Variants in PTDSS1 observed in about 807,000 individuals in gnomAD.
PTDSS1 encodes PSS-1.
Under a neutral mutation model 70.5 loss-of-function variants are expected in PTDSS1, and 45 were observed. The ratio of observed to expected loss-of-function variants is 0.64; its 90% CI spans 0.50 to 0.82. The LOEUF (loss-of-function observed/expected upper bound fraction) is 0.82. Among genes scored for constraint, PTDSS1 ranks in the 40% least tolerant of loss-of-function variants. PTDSS1 has a pLI of 0.00. For missense variants in PTDSS1, 417 were observed against 586.1 expected, an observed-to-expected ratio of 0.71 and a Z score of 2.98; for synonymous variants, 188 against 203.8, an observed-to-expected ratio of 0.92 and a Z score of 0.66.
chr8:96,317,903 G>GTT (rs1210565476), intron 9 of PTDSS1, among the ~76,000 whole-genome samples: 32 of 36,988 alleles, frequency 8.7e-4, no homozygotes, highest in East Asian at 1.7e-3. Flanking sequence ...GTGTGTGTGT[G>GTT]TGTGTGTGTG....
chr8:96,313,417 T>C (rs1264393712), intron 9 of PTDSS1, among the ~76,000 whole-genome samples: 1 of 152,196 alleles, frequency 6.6e-6, no homozygotes, highest in African/African-American at 2.4e-5. Context: ...GGGGCCAGAC[T>C]GATGTGAACA....
Position 96,262,021 on chromosome 8 carries a change from G to T in PTDSS1, c.-20G>T, listed in dbSNP as rs545278616. The T allele has an allele frequency of 1.1e-5, 18 of 1,605,414 alleles. No individual in the cohort carries two copies. In the African/African-American group the frequency reaches 2.3e-4, roughly 20 times the overall value. On this transcript the variant is annotated 5_prime_UTR_variant, in exon 1 of 13. Transcript: ENST00000517309. The surrounding 1 kb of genome is among the most constrained non-coding windows in gnomAD (Gnocchi z 4.4). ...TCGGGCTGGGGCCGCCGCCACCGCG[G>T]CAGGACGGGGAGGCGGGCCATGGCG...
chr8:96,330,696 A>T (rs898386935), intron 11 of PTDSS1: 1 of 377,956 alleles, frequency 2.6e-6, no homozygotes, highest in Non-Finnish European at 4.8e-6. Flanking sequence ...TGAGGATACC[A>T]TAGAAAATAG....
chr8:96,270,729 T>C (rs1321719283), intron 1 of PTDSS1, among the ~76,000 whole-genome samples: 1 of 152,070 alleles, frequency 6.6e-6, no homozygotes, highest in Non-Finnish European at 1.5e-5. Flanking sequence ...CTTTCATTAA[T>C]ACATTTTTTC....
intron 8 of PTDSS1, chr8:96,309,122 C>T (rs1281135548): frequency 1.3e-5 from 2 of 153,668 alleles, no homozygotes; most frequent in African/African-American, 2.4e-5. Context: ...CCTGGGGTTC[C>T]TTTGCAGCGC....
chr8:96,261,989 G>C lies in PTDSS1; in HGVS notation c.-52G>C. ...TGTGGCTAGTCACCCCCGGGGTCCC[G>C]GCCTTCTCGGGCTGGGGCCGCCGCC... is the stretch of plus-strand genomic sequence containing the variant. On this transcript the variant is annotated 5_prime_UTR_variant, in exon 1 of 13. Transcript: ENST00000517309. 1 of 1,567,670 alleles carries C rather than the reference G, an allele frequency of 6.4e-7. No homozygotes were observed. The highest frequency in any genetic ancestry group is 8.7e-7 in the Non-Finnish European group (1 of 1,154,868).
At chr8:96,330,717 C>T (rs929803480) in intron 11 of PTDSS1, 7 of 404,240 alleles carry the variant, frequency 1.7e-5, no homozygotes, top group Non-Finnish European at 2.7e-5. Flanking sequence ...ACATGAATGG[C>T]TTTAAGACAC....
chr8:96,288,402 G>A (rs112798387), intron 4 of PTDSS1, among the ~76,000 whole-genome samples: 13,540 of 152,054 alleles, frequency 0.089, 1,936 homozygotes, highest in African/African-American at 0.3. Context: ...TCGGCTCACT[G>A]CAGCCTCTGT....
intron 4 of PTDSS1, among the ~76,000 whole-genome samples, chr8:96,288,520 C>G (rs1213189901): frequency 6.6e-6 from 1 of 151,506 alleles, no homozygotes; most frequent in South Asian, 2.1e-4. Flanking sequence ...AGACGGTGGT[C>G]TCACCACGTT....
At chr8:96,327,012 C>T (rs905734675) in intron 10 of PTDSS1, among the ~76,000 whole-genome samples, 3 of 152,062 alleles carry the variant, frequency 2.0e-5, no homozygotes, top group Non-Finnish European at 4.4e-5. Context: ...CCAGTGCTAG[C>T]GACAGATTGG....
rs9649983 is a variant in PTDSS1, at chr8:96,320,023, A to G, written c.1074-223A>G. On this transcript the variant is annotated intron_variant, in intron 9 of 12. Transcript: ENST00000517309. ...CTAGCTATTAAAATTTATGAGTCAC[A>G]ATTTCGGTCTGGGAAGAAGGAAGAG... 0.93 allele frequency among the ~76,000 whole-genome samples: 141,578 copies of G among 152,212 alleles called. 66,054 individuals carry two copies. Among genetic ancestry groups the G allele is most frequent in the African/African-American group, 0.95 (39,448 of 41,522 alleles).
chr8:96,280,287 G>A (rs972576646), intron 2 of PTDSS1, among the ~76,000 whole-genome samples: 8 of 152,090 alleles, frequency 5.3e-5, no homozygotes, highest in Non-Finnish European at 7.4e-5. Flanking sequence ...TTTGGGAGGC[G>A]GAGGTGGGCG....
chr8:96,281,333 C>A (rs2130037297), intron 2 of PTDSS1, among the ~76,000 whole-genome samples: 1 of 152,302 alleles, frequency 6.6e-6, no homozygotes, highest in East Asian at 1.9e-4. Flanking sequence ...GCAGTTATGA[C>A]AAGGCTCACA....
intron 4 of PTDSS1, among the ~76,000 whole-genome samples, chr8:96,291,167 G>T (rs985226669): frequency 2.0e-5 from 3 of 152,020 alleles, no homozygotes; most frequent in African/African-American, 7.2e-5. Context: ...GGGGGAGAGG[G>T]TGGGCATGTT....
At chr8:96,306,620 G>A in intron 8 of PTDSS1, 64 bp downstream of exon 8, 1 of 1,286,744 alleles carries the variant, frequency 7.8e-7, no homozygotes, top group Non-Finnish European at 1.1e-6. Flanking sequence ...GTCCTGTTTA[G>A]CATAAGGAAA....
At chr8:96,282,538 G>A (rs947811212) in intron 2 of PTDSS1, among the ~76,000 whole-genome samples, 5 of 152,076 alleles carry the variant, frequency 3.3e-5, no homozygotes, top group East Asian at 1.9e-4. Flanking sequence ...GGAACCAAAC[G>A]CAAATGCATT....
chr8:96,317,553 G>A (rs905397898), intron 9 of PTDSS1, among the ~76,000 whole-genome samples: 1 of 151,960 alleles, frequency 6.6e-6, no homozygotes, highest in Admixed American at 6.6e-5. Context: ...AGGGTAACAC[G>A]GTAAAACCCC....
At chr8:96,317,577 A>G (rs1811313034) in intron 9 of PTDSS1, among the ~76,000 whole-genome samples, 1 of 152,026 alleles carries the variant, frequency 6.6e-6, no homozygotes, top group Non-Finnish European at 1.5e-5. Context: ...TCTACAAAAA[A>G]TACAAAAATT....
intron 12 of PTDSS1, among the ~76,000 whole-genome samples, chr8:96,331,427 G>A (rs1019544869): frequency 3.9e-5 from 6 of 151,944 alleles, no homozygotes; most frequent in African/African-American, 7.3e-5. Context: ...TACTCAGGAC[G>A]CTGAGCCAGG....
Sources: gnomAD v4.1 joint callset for allele counts (sites outside exome capture counted in the v4.1 genomes callset) on GRCh38, gnomAD v4.1.1 for gene constraint, Gnocchi (gnomAD v3.1) non-coding constraint, MANE v1.5 for transcripts, NCBI Gene and HGNC (gene_info 2026-07-23, HGNC 2026-07-21) for gene names.